Variants in GUCY1A2 observed in about 807,000 individuals in gnomAD.
The protein encoded by GUCY1A2 is guanylate cyclase soluble subunit alpha-2.
In GUCY1A2, 27 loss-of-function variants were observed where a neutral mutation model predicts 63.5. The observed-to-expected ratio is 0.43, with a 90% CI of 0.31 to 0.59. The LOEUF (loss-of-function observed/expected upper bound fraction) is 0.59. GUCY1A2 is among the 20% of genes least tolerant of loss of function. GUCY1A2 has a pLI of 0.11. For missense variants in GUCY1A2, 768 were observed against 913.3 expected (o/e 0.84, Z 2.05); for synonymous variants, 364 against 343.5 (o/e 1.06, Z -0.66).
chr11:106,826,722 A>C (rs963551868), intron 4 of GUCY1A2: 6 of 1,610,700 alleles, frequency 3.7e-6, no homozygotes, highest in Non-Finnish European at 5.1e-6. Context: ...AACTCGCTGC[A>C]GCCATGCACT....
At chr11:106,791,704 T>A (rs528309049) in intron 5 of GUCY1A2, among the ~76,000 whole-genome samples, 1 of 152,274 alleles carries the variant, frequency 6.6e-6, no homozygotes, top group South Asian at 2.1e-4. Context: ...CCTCCCCTAG[T>A]CCCTCTTCCA....
intron 4 of GUCY1A2, among the ~76,000 whole-genome samples, chr11:106,929,131 T>C (rs1357688026): frequency 1.3e-5 from 2 of 152,216 alleles, no homozygotes; most frequent in Non-Finnish European, 2.9e-5. Flanking sequence ...TAATAACTCA[T>C]AGCCTAATTA....
At position 106,846,647 on chromosome 11, in the gene GUCY1A2, C is replaced by T. The variant is rs79543494; in HGVS notation, c.1207-36169G>A. Among the ~76,000 whole-genome samples, 197 of 151,690 alleles carry T rather than the reference C, an allele frequency of 1.3e-3. 5 individuals carry two copies. The East Asian group carries it at 0.03, about 23-fold the overall frequency. On this transcript the variant is annotated intron_variant, in intron 4 of 7. Coordinates refer to ENST00000526355, the MANE Select transcript of GUCY1A2 (RefSeq NM_000855.3). ...GGTTTCCCAGACGCTCTGACCTCTT[C>T]GACACTACTTGTTCTGAACTGTACA...
chr11:106,999,816 C>A (rs1861589604), intron 1 of GUCY1A2, among the ~76,000 whole-genome samples: 1 of 152,114 alleles, frequency 6.6e-6, no homozygotes, highest in Non-Finnish European at 1.5e-5. Flanking sequence ...ATAATCAAAA[C>A]AATTGGATAT....
At chr11:106,948,627 C>T (rs1202437884) in intron 3 of GUCY1A2, among the ~76,000 whole-genome samples, 1 of 152,126 alleles carries the variant, frequency 6.6e-6, no homozygotes, top group East Asian at 1.9e-4. Context: ...TGCTTGCTAT[C>T]ATCGTTTTCA....
intron 6 of GUCY1A2, among the ~76,000 whole-genome samples, chr11:106,723,836 G>A (rs952340444): frequency 5.3e-5 from 8 of 151,682 alleles, no homozygotes; most frequent in African/African-American, 1.9e-4. Flanking sequence ...AAAAAAAAAA[G>A]TAAAAATATG....
chr11:106,855,893 T>TTTTA (rs200600627), intron 4 of GUCY1A2, among the ~76,000 whole-genome samples: 2,941 of 94,210 alleles, frequency 0.031, 66 homozygotes, highest in South Asian at 0.15. Flanking sequence ...GTCTCTTGTA[T>TTTTA]TTTATTTATT....
intron 3 of GUCY1A2, among the ~76,000 whole-genome samples, chr11:106,974,994 G>A (rs1861244216): frequency 1.3e-5 from 2 of 152,108 alleles, no homozygotes; most frequent in South Asian, 4.2e-4. Flanking sequence ...AAACTACTGT[G>A]GGAAGTCTTT....
At chr11:106,873,579 G>A (rs1183468795) in intron 4 of GUCY1A2, among the ~76,000 whole-genome samples, 2 of 152,064 alleles carry the variant, frequency 1.3e-5, no homozygotes, top group Non-Finnish European at 2.9e-5. Context: ...TTTGAGAAGT[G>A]TATGTTCATA....
chr11:106,801,234 G>A (rs1251611437), intron 5 of GUCY1A2, among the ~76,000 whole-genome samples: 1 of 152,022 alleles, frequency 6.6e-6, no homozygotes, highest in African/African-American at 2.4e-5. Context: ...ACAAATTCAT[G>A]TTCATCTTCT....
intron 6 of GUCY1A2, among the ~76,000 whole-genome samples, chr11:106,730,457 T>A (rs111731602): frequency 4.1e-4 from 63 of 152,222 alleles, no homozygotes; most frequent in South Asian, 1.0e-3. Context: ...CATTCTTTTT[T>A]TATGGCTGTG....
At chr11:106,815,676 C>T (rs962760380) in intron 4 of GUCY1A2, among the ~76,000 whole-genome samples, 1 of 151,924 alleles carries the variant, frequency 6.6e-6, no homozygotes, top group Non-Finnish European at 1.5e-5. Flanking sequence ...AAATCATATG[C>T]GATGACTGAG....
chr11:106,734,404 CT>C, intron 6 of GUCY1A2, among the ~76,000 whole-genome samples: 1 of 152,008 alleles, frequency 6.6e-6, no homozygotes, highest in East Asian at 1.9e-4. Context: ...TCTGTCCTAT[CT>C]TTTATGTACC....
At chr11:106,898,674 CA>C (rs1340721139) in intron 4 of GUCY1A2, among the ~76,000 whole-genome samples, 1 of 152,004 alleles carries the variant, frequency 6.6e-6, no homozygotes, top group Non-Finnish European at 1.5e-5. Context: ...GTAAAAAGGT[CA>C]ATAGCTGCTA....
chr11:106,827,831 G>A (rs1858993364), intron 4 of GUCY1A2: 4 of 1,599,738 alleles, frequency 2.5e-6, no homozygotes, highest in South Asian at 2.2e-5. Flanking sequence ...TGACGCCCGC[G>A]ATGCCGCCGC....
intron 4 of GUCY1A2, among the ~76,000 whole-genome samples, chr11:106,842,282 C>T (rs189342030): frequency 4.5e-4 from 68 of 152,026 alleles, no homozygotes; most frequent in Middle Eastern, 6.8e-3. Context: ...GCTTCACCAT[C>T]CCTTAGTGGT....
intron 5 of GUCY1A2, among the ~76,000 whole-genome samples, chr11:106,778,120 T>C (rs1023249519): frequency 3.3e-5 from 5 of 152,186 alleles, no homozygotes; most frequent in Admixed American, 6.5e-5. Context: ...GAGATGGTGG[T>C]ATTAATGGCA....
intron 4 of GUCY1A2, among the ~76,000 whole-genome samples, chr11:106,923,831 T>G (rs182879840): frequency 1.3e-5 from 2 of 152,210 alleles, no homozygotes; most frequent in Non-Finnish European, 2.9e-5. Context: ...ATTAAACTAA[T>G]CTGGAACCTG....
intron 3 of GUCY1A2, among the ~76,000 whole-genome samples, chr11:106,954,161 A>C (rs1000582103): frequency 2.0e-5 from 3 of 152,128 alleles, no homozygotes; most frequent in Non-Finnish European, 4.4e-5. Flanking sequence ...AATGCTATAG[A>C]TTTCCATCTT....
Sources: gnomAD v4.1 joint callset for allele counts (sites outside exome capture counted in the v4.1 genomes callset) on GRCh38, gnomAD v4.1.1 for gene constraint, MANE v1.5 for transcripts, NCBI Gene and HGNC (gene_info 2026-07-23, HGNC 2026-07-21) for gene names.